The following PTK6 variants were observed in gnomAD, a reference collection of about 807,000 sequenced individuals.
PTK6 encodes the protein protein tyrosine kinase 6, also known as protein-tyrosine kinase 6.
Under a neutral mutation model 47.5 loss-of-function variants are expected in PTK6, and 47 were observed. The ratio of observed to expected loss-of-function variants is 0.99; its 90% confidence interval spans 0.78 to 1.26. PTK6 has a LOEUF of 1.26. Among genes scored for constraint, PTK6 ranks in the 50% most tolerant of loss-of-function variants. The probability of loss-of-function intolerance (pLI) is 0.00; values close to 1 mark genes in which losing one functional copy is unlikely to be tolerated. For synonymous variants in PTK6, 287 were observed against 276.5 expected, an observed-to-expected ratio of 1.04 and a Z score of -0.38; for missense variants, 618 against 625.3, an observed-to-expected ratio of 0.99 and a Z score of 0.12.
intron 5 of PTK6, among the ~76,000 whole-genome samples, chr20:63,531,435 AAAATATAT>A (rs1474117562): frequency 7.4e-5 from 8 of 107,908 alleles, no homozygotes; most frequent in African/African-American, 2.1e-4. Flanking sequence ...AAAAAAAAAA[AAAATATAT>A]ATATATATAT....
Position 63,530,982 on chromosome 20 carries a change from A to G in PTK6, c.833-55T>C. The G allele has an allele frequency of 6.7e-7, 1 of 1,481,820 alleles. No homozygotes were observed. Among genetic ancestry groups the G allele is most frequent in the East Asian group, 2.5e-5 (1 of 40,716 alleles). 91.8% of individuals were successfully genotyped at this position (1,481,820 alleles called of 1,614,324 possible). A position where few individuals can be genotyped will look rare whatever the true frequency, so the allele number is the denominator to read the frequency against. ...GTCAGCTGAGCCAGCTGAGGTGGGG[A>G]AGGGTTGGGGAGGCTGGGCCATGTC... On this transcript the variant is annotated intron_variant, in intron 5 of 7. Transcript: ENST00000542869. The surrounding 1 kb of genome is among the most constrained non-coding windows in gnomAD (Gnocchi z 4.1).
chr20:63,529,772 C>T lies in PTK6; in HGVS notation c.1169-49G>A, dbSNP rs1192385739. ...AGCTGGGGCCCACCTGCCTACCCTC[C>T]CCCAAGAAGCCACACCAGCCATCCA... is the stretch of plus-strand genomic sequence containing the variant. On this transcript the variant is annotated intron_variant, in intron 7 of 7. Transcript: ENST00000542869. This position sits in a 1 kb window ranked among gnomAD's most constrained non-coding sequence, Gnocchi z 5.6. 10 of 1,480,032 alleles carry T rather than the reference C, an allele frequency of 6.8e-6. No homozygotes were observed. Among genetic ancestry groups the T allele is most frequent in the Non-Finnish European group, 9.0e-6 (10 of 1,106,220 alleles). The allele number at this position is 1,480,032 out of a possible 1,614,324, so 91.7% of individuals were successfully genotyped here. A position where few individuals can be genotyped will look rare whatever the true frequency, so the allele number is the denominator to read the frequency against.
chr20:63,534,261 C>G lies in PTK6; in HGVS notation c.407G>C (p.Arg136Pro). 1 of 1,608,598 alleles carries G rather than the reference C, an allele frequency of 6.2e-7. No homozygotes were observed. ...GGACACCGCCTCGTTCAGGTGCAGC[C>G]GGCCCCCGGCACGCCGCCAGATCTT... is the stretch of plus-strand genomic sequence containing the variant. ...HYKIWRRAGGRLHLNEAVSFL... is the reference protein window; with the variant it reads ...HYKIWRRAGGPLHLNEAVSFL... Residue 136 changes from arginine (R) to proline (P), a missense_variant, in exon 3 of 8, where the codon CGG becomes CCG. By Grantham distance (103) the Arg-to-Pro change is moderately radical. Coordinates refer to ENST00000542869, the MANE Select transcript of PTK6 (RefSeq NM_005975.4).
In PTK6 at chr20:63,537,282, G is replaced by A. The variant is rs2082677941; in HGVS notation, c.33C>T (p.Pro11=). The A allele has an allele frequency of 6.2e-7, 1 of 1,611,912 alleles. No homozygotes were observed. The highest frequency in any genetic ancestry group is 1.7e-5 in the Admixed American group (1 of 59,960). The part of the protein sequence containing the change: MVSRDQAHLG[P]KYVGLWDFKS... ...TGAAGTCCCAGAGGCCCACATACTT[G>A]GGGCCCAGGTGAGCCTGGTCCCGGG... The change falls in exon 1 of 8, where the codon CCC becomes CCT. Residue 11 remains proline, a synonymous_variant. Coordinates refer to ENST00000542869, the MANE Select transcript of PTK6 (RefSeq NM_005975.4).
intron 2 of PTK6, 59 bp downstream of exon 2, chr20:63,534,879 G>T: frequency 6.5e-7 from 1 of 1,534,698 alleles, no homozygotes. Flanking sequence ...ACGTGGCTGG[G>T]AGGGCTTAGA....
chr20:63,533,013 G>T lies in PTK6; in HGVS notation c.671-326C>A, dbSNP rs953811383. On this transcript the variant is annotated intron_variant, in intron 4 of 7. Coordinates refer to ENST00000542869, the MANE Select transcript of PTK6 (RefSeq NM_005975.4). The surrounding 1 kb of genome is among the most constrained non-coding windows in gnomAD (Gnocchi z 4.0). ...CAGGGAAGTTTTACCCATTTCCAGT[G>T]ATCTATTTTAATGGCTTTCCATTAC... Among the ~76,000 whole-genome samples, 7 of 152,034 alleles carry T rather than the reference G, an allele frequency of 4.6e-5. No homozygotes were observed. Among genetic ancestry groups the T allele is most frequent in the African/African-American group, 1.7e-4 (7 of 41,372 alleles).
intron 2 of PTK6, among the ~76,000 whole-genome samples, chr20:63,534,717 T>A (rs2082650683): frequency 6.6e-6 from 1 of 152,076 alleles, no homozygotes; most frequent in Non-Finnish European, 1.5e-5. Context: ...GAGAAGCCCC[T>A]GCCCTCCCAG....
Position 63,535,068 on chromosome 20 carries a change from G to A in PTK6, c.231-9C>T, listed in dbSNP as rs769104141. 1 of 1,590,234 alleles carries A rather than the reference G, an allele frequency of 6.3e-7. No homozygotes were observed. The highest frequency in any genetic ancestry group is 1.1e-5 in the South Asian group (1 of 89,942). On this transcript the variant is annotated splice_polypyrimidine_tract_variant and intron_variant, in intron 1 of 7. Coordinates refer to ENST00000542869, the MANE Select transcript of PTK6 (RefSeq NM_005975.4). Reference sequence around the variant, plus strand: ...TGCAGCCAAAGAACCACCTGCAGGGGAGGAGTCTGAGAACACGCGGACCTG... The same window carrying A: ...TGCAGCCAAAGAACCACCTGCAGGGAAGGAGTCTGAGAACACGCGGACCTG...
Position 63,531,028 on chromosome 20 carries a change from C to T in PTK6, c.833-101G>A, listed in dbSNP as rs535466891. On this transcript the variant is annotated intron_variant, in intron 5 of 7. Coordinates refer to ENST00000542869, the MANE Select transcript of PTK6 (RefSeq NM_005975.4). ...ATGTCTCATCTGCCTCCAAGCTCTG[C>T]GGGCTCAGAGGAGGGGCCGGGGCAA... 2.6e-4 allele frequency: 298 copies of T among 1,166,222 alleles called. No homozygotes were observed. The African/African-American group carries it at 3.2e-3, about 12-fold the overall frequency. 72.2% of individuals were successfully genotyped at this position (1,166,222 alleles called of 1,614,324 possible).
intron 5 of PTK6, among the ~76,000 whole-genome samples, 180 bp downstream of exon 5, chr20:63,532,346 C>T (rs1331669278): frequency 2.4e-4 from 24 of 98,268 alleles, no homozygotes; most frequent in Admixed American, 2.1e-3. Flanking sequence ...TGTGTGTGTG[C>T]ATGTGTGTCT....
rs774255065 is a variant in PTK6 at position 63,529,429 on chromosome 20, A to G, written c.*107T>C. ...ACATTTGTGAACCTTTCCTGCACCC[A>G]TCACCTCAGTAAACCCCAGGGAAGC... is the stretch of plus-strand genomic sequence containing the variant. On this transcript the variant is annotated 3_prime_UTR_variant, in exon 8 of 8. Transcript: ENST00000542869. The surrounding 1 kb of genome is among the most constrained non-coding windows in gnomAD (Gnocchi z 5.6). The G allele has an allele frequency of 2.6e-5, 32 of 1,240,012 alleles. No homozygotes were observed. The highest frequency in any genetic ancestry group is 3.3e-5 in the Non-Finnish European group (30 of 920,682). 76.8% of individuals were successfully genotyped at this position (1,240,012 alleles called of 1,614,324 possible).
rs541485463 is a variant in PTK6 at position 63,532,383 on chromosome 20, GTCTGTGTC to G, written c.832+135_832+142del. The G allele has an allele frequency of 1.5e-3, 1,583 of 1,076,312 alleles. 18 individuals are homozygous for G. In the African/African-American group the frequency reaches 0.041, roughly 28 times the overall value. The allele number at this position is 1,076,312 out of a possible 1,614,324, so 66.7% of individuals were successfully genotyped here. On this transcript the variant is annotated intron_variant, in intron 5 of 7. Transcript: ENST00000542869. ...TGCGTGTGTGTCTCTGTGTGTCTGT[GTCTGTGTC>G]TGTGTGTGCATGTGTGTGTCTGTGT...
chr20:63,534,276 C>T lies in PTK6; in HGVS notation c.392G>A (p.Arg131Gln), dbSNP rs370344358. The change falls in exon 3 of 8, where the codon CGG becomes CAG. Residue 131 changes from arginine to glutamine, a missense_variant. Transcript: ENST00000542869. ...TQAVRHYKIWRRAGGRLHLNE... is the reference protein window; with the variant it reads ...TQAVRHYKIWQRAGGRLHLNE... ...CAGGTGCAGCCGGCCCCCGGCACGCCGCCAGATCTTGTAGTGCCGCACAGC... is the reference window on the plus strand; with the variant it reads ...CAGGTGCAGCCGGCCCCCGGCACGCTGCCAGATCTTGTAGTGCCGCACAGC... The T allele has an allele frequency of 1.4e-5, 22 of 1,608,674 alleles. No homozygotes were observed. The highest frequency in any genetic ancestry group is 1.7e-4 in the Middle Eastern group (1 of 6,048).
chr20:63,531,113 C>T (rs1194642325), intron 5 of PTK6, among the ~76,000 whole-genome samples, 186 bp from the exon 6 acceptor site: 1 of 152,150 alleles, frequency 6.6e-6, no homozygotes, highest in Non-Finnish European at 1.5e-5. Context: ...TTCTGGAAGG[C>T]AACTGTTTAT....
At position 63,532,620 on chromosome 20, in the gene PTK6, G is replaced by C. The variant is rs746920191; in HGVS notation, c.738C>G (p.His246Gln). The change falls in exon 5 of 8, where the codon CAC becomes CAG. Residue 246 changes from histidine (H) to glutamine (Q), a missense_variant. Coordinates refer to ENST00000542869, the MANE Select transcript of PTK6 (RefSeq NM_005975.4). ...ACACCACGGCGTACAGCGCCAGGAT[G>C]TGTTTGTGCCGCAGCTTCTTCATGG... is the stretch of plus-strand genomic sequence containing the variant. ...IQAMKKLRHK[H>Q]ILALYAVVSV... 35 of 1,613,924 alleles carry C rather than the reference G, an allele frequency of 2.2e-5. No individual in the cohort carries two copies. Among genetic ancestry groups the C allele is most frequent in the Non-Finnish European group, 7.6e-6 (9 of 1,180,024 alleles).
At chr20:63,531,463 T>TATATAA (rs1337093853) in intron 5 of PTK6, among the ~76,000 whole-genome samples, 4 of 94,484 alleles carry the variant, frequency 4.2e-5, no homozygotes, top group East Asian at 5.3e-4. Context: ...TATATATATA[T>TATATAA]AATTAGCTGG....
Position 63,530,507 on chromosome 20 carries a change from A to G in PTK6, c.1014+239T>C, listed in dbSNP as rs1279435922. The stretch of plus-strand genomic sequence containing the variant: ...CGTCAGAGGGGCCCAGGGCTGGGCC[A>G]GTGAACAAGGCACGTGAACAAGGCA... On this transcript the variant is annotated intron_variant, in intron 6 of 7. Transcript: ENST00000542869. The surrounding 1 kb of genome is among the most constrained non-coding windows in gnomAD (Gnocchi z 4.1). Among the ~76,000 whole-genome samples the G allele has an allele frequency of 1.3e-5, 2 of 152,196 alleles. No homozygotes were observed. Among genetic ancestry groups the G allele is most frequent in the Non-Finnish European group, 2.9e-5 (2 of 68,012 alleles).
chr20:63,530,356 C>A lies in PTK6; in HGVS notation c.1015-125G>T. On this transcript the variant is annotated intron_variant, in intron 6 of 7. Coordinates refer to ENST00000542869, the MANE Select transcript of PTK6 (RefSeq NM_005975.4). This position sits in a 1 kb window ranked among gnomAD's most constrained non-coding sequence, Gnocchi z 4.1. Reference sequence around the variant, plus strand: ...GGTGATGACCCCACTGTCTGACCCACGCACGGCCGCTGCAGCTAAGGCCAC... The same window carrying A: ...GGTGATGACCCCACTGTCTGACCCAAGCACGGCCGCTGCAGCTAAGGCCAC... 8.0e-7 allele frequency: 1 copy of A among 1,257,860 alleles called. No individual in the cohort carries two copies. 77.9% of individuals were successfully genotyped at this position (1,257,860 alleles called of 1,614,324 possible).
Position 63,534,157 on chromosome 20 carries a change from G to T in PTK6, c.511C>A (p.Arg171=). The T allele has an allele frequency of 2.6e-6, 4 of 1,549,656 alleles. 1 individual carries two copies. The highest frequency in any genetic ancestry group is 4.9e-5 in the East Asian group (2 of 41,236). ...SHGLRLAAPC[R]KHEPEPLPHW... Reference sequence around the variant, plus strand: ...AGTCAGGGCGGAGCGGCTACCTTCCGGCAGGGCGCGGCCAGCCGCAGGCCG... The same window carrying T: ...AGTCAGGGCGGAGCGGCTACCTTCCTGCAGGGCGCGGCCAGCCGCAGGCCG... Residue 171 remains arginine (R), a synonymous_variant, in exon 3 of 8, where the codon CGG becomes AGG. Coordinates refer to ENST00000542869, the MANE Select transcript of PTK6 (RefSeq NM_005975.4).
Sources: gnomAD v4.1 joint callset for allele counts (sites outside exome capture counted in the v4.1 genomes callset) on GRCh38, gnomAD v4.1.1 for gene constraint, Gnocchi (gnomAD v3.1) non-coding constraint, MANE v1.5 for transcripts, NCBI Gene and HGNC (gene_info 2026-07-23, HGNC 2026-07-21) for gene names.